XKR9: variants seen among roughly 807,000 people sequenced by gnomAD.
XKR9 encodes XK related 9.
A neutral mutation model predicts 32.0 loss-of-function variants in XKR9; 32 were observed. The ratio of observed to expected loss-of-function variants is 1.00; its 90% CI spans 0.76 to 1.34. The LOEUF is 1.34. XKR9 is among the 40% of genes most tolerant of loss of function. XKR9 has a pLI of 0.00. For synonymous variants in XKR9, 168 were observed against 143.4 expected (o/e 1.17, Z -1.22); for missense variants, 546 against 429.7 (o/e 1.27, Z -2.39).
the XKR9 span, among the ~76,000 whole-genome samples, chr8:70,873,355 G>A: frequency 6.6e-6 from 1 of 152,154 alleles, no homozygotes; most frequent in Non-Finnish European, 1.5e-5. Flanking sequence ...GCCTTACCGA[G>A]TAAGTCCTGT....
At chr8:70,981,529 A>C in the XKR9 span, among the ~76,000 whole-genome samples, 1 of 151,820 alleles carries the variant, frequency 6.6e-6, no homozygotes, top group Admixed American at 6.6e-5. Flanking sequence ...TCACTGAAGA[A>C]ATTTCCTTTC....
the XKR9 span, among the ~76,000 whole-genome samples, chr8:70,866,413 A>C: frequency 6.6e-6 from 1 of 152,198 alleles, no homozygotes; most frequent in South Asian, 2.1e-4. Flanking sequence ...GTGATTGTGA[A>C]GGCAGTGGCA....
chr8:70,983,418 T>G, the XKR9 span, among the ~76,000 whole-genome samples: 3 of 152,294 alleles, frequency 2.0e-5, no homozygotes, highest in East Asian at 5.8e-4. Context: ...CCTGGCAGAC[T>G]CCATGCAGGC....
chr8:70,939,941 A>G, the XKR9 span, among the ~76,000 whole-genome samples: 1 of 152,062 alleles, frequency 6.6e-6, no homozygotes, highest in Admixed American at 6.6e-5. Context: ...CCATTTTTTC[A>G]GATGTATAAA....
the XKR9 span, among the ~76,000 whole-genome samples, chr8:70,928,531 T>C: frequency 6.6e-6 from 1 of 152,156 alleles, no homozygotes; most frequent in Non-Finnish European, 1.5e-5. Context: ...TGATGTGACA[T>C]TGATCAAAAT....
At chr8:70,697,580 G>A (rs1270850192) in intron 3 of XKR9, among the ~76,000 whole-genome samples, 2 of 148,744 alleles carry the variant, frequency 1.3e-5, no homozygotes, top group Admixed American at 1.3e-4. Context: ...GCTGGATTCG[G>A]TTTGCCAGTA....
chr8:70,791,302 T>G (rs1415683561), downstream of XKR9, among the ~76,000 whole-genome samples: 1 of 151,296 alleles, frequency 6.6e-6, no homozygotes, highest in East Asian at 1.9e-4. Flanking sequence ...GAGTGAGCCC[T>G]CATCTCACTT....
At chr8:70,700,456 C>T (rs1272397313) in intron 3 of XKR9, among the ~76,000 whole-genome samples, 1 of 152,200 alleles carries the variant, frequency 6.6e-6, no homozygotes, top group African/African-American at 2.4e-5. Flanking sequence ...ACTCCAGAAC[C>T]TGTTTGCCTG....
At chr8:70,690,410 A>C (rs1285941302) in intron 3 of XKR9, among the ~76,000 whole-genome samples, 1 of 151,628 alleles carries the variant, frequency 6.6e-6, no homozygotes, top group Non-Finnish European at 1.5e-5. Context: ...GATCACTGCA[A>C]CCTCCGCCTC....
At chr8:70,811,803 C>T in the XKR9 span, among the ~76,000 whole-genome samples, 14 of 151,968 alleles carry the variant, frequency 9.2e-5, no homozygotes, top group African/African-American at 3.1e-4. Context: ...TAATCAATAG[C>T]TTACCAACCA....
intron 4 of XKR9, among the ~76,000 whole-genome samples, chr8:70,719,798 A>G (rs1255025866): frequency 6.6e-6 from 1 of 152,080 alleles, no homozygotes; most frequent in Admixed American, 6.6e-5. Context: ...TCCATATTAA[A>G]TTTCAAGTAG....
chr8:70,857,679 C>CCAATATCTCTTCAT, the XKR9 span, among the ~76,000 whole-genome samples: 1 of 152,146 alleles, frequency 6.6e-6, no homozygotes, highest in East Asian at 1.9e-4. Flanking sequence ...GAATTTTAGA[C>CCAATATCTCTTCAT]CAATATCTCT....
intron 2 of XKR9, among the ~76,000 whole-genome samples, chr8:70,680,032 A>T (rs904086884): frequency 3.3e-5 from 5 of 152,072 alleles, no homozygotes; most frequent in African/African-American, 1.2e-4. Flanking sequence ...ATGTAGCAGT[A>T]TAGAGAGAAA....
the XKR9 span, among the ~76,000 whole-genome samples, chr8:70,943,946 G>C: frequency 6.6e-6 from 1 of 152,052 alleles, no homozygotes; most frequent in South Asian, 2.1e-4. Flanking sequence ...TAGCACATGT[G>C]AATATTTTTA....
chr8:70,875,502 T>C, the XKR9 span, among the ~76,000 whole-genome samples: 3 of 152,228 alleles, frequency 2.0e-5, no homozygotes, highest in Non-Finnish European at 4.4e-5. Flanking sequence ...GTGTGAATTA[T>C]GTTAGAAATC....
chr8:70,799,390 G>C, the XKR9 span, among the ~76,000 whole-genome samples: 1 of 152,168 alleles, frequency 6.6e-6, no homozygotes, highest in African/African-American at 2.4e-5. Context: ...GAGTGCTGCG[G>C]TGCGATCACG....
At chr8:70,852,334 G>C in the XKR9 span, among the ~76,000 whole-genome samples, 933 of 152,302 alleles carry the variant, frequency 6.1e-3, 11 homozygotes, top group African/African-American at 0.021. Flanking sequence ...CTGTTGGTAG[G>C]AGTGTAAATT....
chr8:70,873,711 G>A, the XKR9 span, among the ~76,000 whole-genome samples: 2 of 152,204 alleles, frequency 1.3e-5, no homozygotes, highest in African/African-American at 2.4e-5. Context: ...TGAAGATGCT[G>A]TAAACATCAT....
chr8:70,980,225 G>A, the XKR9 span, among the ~76,000 whole-genome samples: 1 of 152,236 alleles, frequency 6.6e-6, no homozygotes. Flanking sequence ...CCTGGGTGGG[G>A]TGATGCCCCG....
Sources: allele counts gnomAD v4.1 joint callset (sites outside exome capture counted in the v4.1 genomes callset), GRCh38; gene constraint gnomAD v4.1.1; transcripts MANE v1.5; gene names NCBI Gene and HGNC (gene_info 2026-07-23, HGNC 2026-07-21).